Variants in POU2F1 observed in about 807,000 individuals in gnomAD.
The protein encoded by POU2F1 is POU domain, class 2, transcription factor 1.
In POU2F1, 16 loss-of-function variants were observed where a neutral mutation model predicts 84.9. The observed-to-expected ratio is 0.19, with a 90% CI of 0.13 to 0.29. The LOEUF is 0.29. POU2F1 is among the 10% of genes least tolerant of loss of function. The pLI, the probability that POU2F1 is intolerant of heterozygous loss-of-function variation, is 1.00. For missense variants in POU2F1, 738 were observed against 942.6 expected, an observed-to-expected ratio of 0.78 and a Z score of 2.84; for synonymous variants, 368 against 368.3, an observed-to-expected ratio of 1.00 and a Z score of 0.01.
intron 12 of POU2F1, 22 bp downstream of exon 12, chr1:167,399,387 T>A: frequency 7.6e-6 from 12 of 1,583,726 alleles, no homozygotes; most frequent in Non-Finnish European, 1.0e-5. Context: ...AAATAGGGAG[T>A]GCAAGCTCAA....
intron 1 of POU2F1, among the ~76,000 whole-genome samples, chr1:167,256,629 G>A (rs1651161779): frequency 1.3e-5 from 2 of 152,192 alleles, no homozygotes; most frequent in Non-Finnish European, 2.9e-5. Flanking sequence ...CTTCAGCTTA[G>A]TGAGTTTATA....
At chr1:167,302,320 G>A (rs1415796238) in intron 1 of POU2F1, among the ~76,000 whole-genome samples, 2 of 151,486 alleles carry the variant, frequency 1.3e-5, no homozygotes, top group African/African-American at 4.9e-5. Context: ...GAGTGCAGTG[G>A]CGTGATCTCT....
chr1:167,232,042 C>T (rs1649103673), intron 1 of POU2F1, among the ~76,000 whole-genome samples: 1 of 152,184 alleles, frequency 6.6e-6, no homozygotes, highest in African/African-American at 2.4e-5. Context: ...GCACATGCCT[C>T]AGTCCTGCAG....
chr1:167,399,413 A>G (rs774910605), intron 12 of POU2F1, 48 bp downstream of exon 12: 15 of 1,493,598 alleles, frequency 1.0e-5, no homozygotes, highest in Middle Eastern at 1.8e-4. Context: ...AATTTTTGCA[A>G]TTTTACAAAT....
chr1:167,398,353 A>G (rs772463945), intron 11 of POU2F1, among the ~76,000 whole-genome samples: 2 of 152,158 alleles, frequency 1.3e-5, no homozygotes, highest in East Asian at 1.9e-4. Context: ...AGCACTCAGT[A>G]TGAGAGAGGT....
At chr1:167,383,785 ATTCT>A (rs1647744339) in intron 7 of POU2F1, 68 bp from the exon 8 acceptor site, 18 of 1,365,812 alleles carry the variant, frequency 1.3e-5, no homozygotes, top group South Asian at 7.5e-5. Context: ...TCATTTTCTG[ATTCT>A]TTCTTTCTTT....
rs748693316 is a variant in POU2F1 at position 167,415,778 on chromosome 1, T to TCCA, written c.2281_2283dup (p.Thr761dup). The TCCA allele has an allele frequency of 3.7e-6, 6 of 1,613,874 alleles. No individual in the cohort carries two copies. The highest frequency in any genetic ancestry group is 1.7e-5 in the Admixed American group (1 of 60,014). On this transcript the variant is annotated inframe_insertion, in exon 16 of 16. Coordinates refer to ENST00000367866, the MANE Select transcript of POU2F1 (RefSeq NM_002697.4). ...AGTGGCCTCTGCCAGCGGGGCTGCG[T>TCCA]CCACCACCACCACCGCCTCCAAGGC...
At chr1:167,308,296 A>G (rs908941314) in intron 1 of POU2F1, among the ~76,000 whole-genome samples, 1 of 151,902 alleles carries the variant, frequency 6.6e-6, no homozygotes, top group Admixed American at 6.6e-5. Context: ...CGAACTCCCA[A>G]TCGCAGGTGA....
At chr1:167,402,531 G>A (rs972156846) in intron 13 of POU2F1, among the ~76,000 whole-genome samples, 5 of 152,146 alleles carry the variant, frequency 3.3e-5, no homozygotes, top group Non-Finnish European at 7.4e-5. Context: ...TCTTCTGGAT[G>A]TTGGACCTTT....
intron 1 of POU2F1, among the ~76,000 whole-genome samples, chr1:167,254,949 G>A (rs141065319): frequency 1.7e-3 from 257 of 152,218 alleles, no homozygotes; most frequent in African/African-American, 6.0e-3. Context: ...TTGAAGTGCT[G>A]GATATATTTA....
At chr1:167,327,241 G>A (rs1245446306) in intron 1 of POU2F1, among the ~76,000 whole-genome samples, 3 of 152,138 alleles carry the variant, frequency 2.0e-5, no homozygotes, top group African/African-American at 4.8e-5. Context: ...TCCAGTCCAC[G>A]CTCTTGTCTG....
At chr1:167,324,892 G>GGGAC (rs1230602882) in intron 1 of POU2F1, among the ~76,000 whole-genome samples, 2 of 152,110 alleles carry the variant, frequency 1.3e-5, no homozygotes, top group Admixed American at 1.3e-4. Flanking sequence ...GTGGGGGGAG[G>GGGAC]GGACACTGAG....
intron 1 of POU2F1, among the ~76,000 whole-genome samples, chr1:167,248,566 G>A (rs915902764): frequency 3.9e-5 from 6 of 152,154 alleles, no homozygotes; most frequent in African/African-American, 1.4e-4. Context: ...TAATGGAATA[G>A]GTTCACTTAA....
intron 1 of POU2F1, among the ~76,000 whole-genome samples, chr1:167,237,762 ATATATATATATTTTTTTTTTT>A (rs1174498275): frequency 4.5e-4 from 9 of 19,996 alleles, no homozygotes; most frequent in East Asian, 3.9e-3. Flanking sequence ...ATATATATAT[ATATATATATATTTTTTTTTTT>A]TTTTTTTTTT....
chr1:167,239,431 T>A (rs979001042), intron 1 of POU2F1, among the ~76,000 whole-genome samples: 2 of 152,298 alleles, frequency 1.3e-5, no homozygotes, highest in South Asian at 2.1e-4. Flanking sequence ...AAAGAACATA[T>A]GTAAAAGTGC....
intron 4 of POU2F1, among the ~76,000 whole-genome samples, chr1:167,370,886 G>A (rs1659963630): frequency 6.6e-6 from 1 of 152,144 alleles, no homozygotes; most frequent in African/African-American, 2.4e-5. Flanking sequence ...GGCACAACAT[G>A]CAAAGTTCAA....
intron 1 of POU2F1, among the ~76,000 whole-genome samples, chr1:167,274,638 A>G (rs1054816176): frequency 3.1e-4 from 46 of 147,626 alleles, no homozygotes; most frequent in Non-Finnish European, 1.4e-4. Flanking sequence ...GAATTTTAAC[A>G]CAGTTAAAAT....
At chr1:167,298,403 C>T (rs932389858) in intron 1 of POU2F1, among the ~76,000 whole-genome samples, 2 of 151,922 alleles carry the variant, frequency 1.3e-5, no homozygotes, top group African/African-American at 2.4e-5. Flanking sequence ...CAAGCATTTT[C>T]TAATTTAAGA....
intron 1 of POU2F1, among the ~76,000 whole-genome samples, chr1:167,316,500 AAAG>A (rs1426352972): frequency 6.6e-5 from 10 of 152,206 alleles, no homozygotes; most frequent in Non-Finnish European, 1.2e-4. Context: ...AATACAGGGA[AAAG>A]AAGGGTATTT....
Sources: allele counts gnomAD v4.1 joint callset (sites outside exome capture counted in the v4.1 genomes callset), GRCh38; gene constraint gnomAD v4.1.1; transcripts MANE v1.5; gene names NCBI Gene and HGNC (gene_info 2026-07-23, HGNC 2026-07-21).